The following SSH2 variants were observed in gnomAD, a reference collection of about 807,000 sequenced individuals.
SSH2 encodes the protein slingshot protein phosphatase 2.
Under a neutral mutation model 135.2 loss-of-function variants are expected in SSH2, and 37 were observed. The ratio of observed to expected loss-of-function variants is 0.27; its 90% CI spans 0.21 to 0.36. SSH2 has a LOEUF of 0.36. Ranked by LOEUF, SSH2 falls within the 10% of genes least tolerant of loss-of-function variation. The pLI, the probability that SSH2 is intolerant of heterozygous loss-of-function variation, is 1.00. For missense variants in SSH2, 1,408 were observed against 1,765.3 expected, an observed-to-expected ratio of 0.80 and a Z score of 3.63; for synonymous variants, 628 against 646.2, an observed-to-expected ratio of 0.97 and a Z score of 0.43.
chr17:29,920,830 T>C (rs1264279667), intron 1 of SSH2, among the ~76,000 whole-genome samples: 4 of 152,146 alleles, frequency 2.6e-5, no homozygotes, highest in Non-Finnish European at 5.9e-5. Flanking sequence ...ATTGATGGCA[T>C]TAAAATTTTG....
At position 29,793,955 on chromosome 17, in the gene SSH2, G is replaced by GAA; in HGVS notation, c.145-20_145-19dup. On this transcript the variant is annotated intron_variant, in intron 2 of 15. Transcript: ENST00000540801. ...TCTGCCTCCTGTATAGACAGAAAATGAAAAAAAAAATTAAAACCTGAGGTT... is the reference window on the plus strand; with the variant it reads ...TCTGCCTCCTGTATAGACAGAAAATGAAAAAAAAAAAATTAAAACCTGAGGTT... The GAA allele has an allele frequency of 7.9e-6, 12 of 1,521,482 alleles. No individual in the cohort carries two copies. The highest frequency in any genetic ancestry group is 1.2e-5 in the South Asian group (1 of 82,548). 94.2% of individuals were successfully genotyped at this position (1,521,482 alleles called of 1,614,324 possible).
chr17:29,779,810 CAAAAAAA>C lies in SSH2; in HGVS notation c.188+14077_188+14083del, dbSNP rs56789691. The stretch of plus-strand genomic sequence containing the variant: ...TGGGCGACAGAGTGAGACTCTGTCT[CAAAAAAA>C]AAAAAAAAAAAAAAAAAAAAAAAGA... On this transcript the variant is annotated intron_variant, in intron 3 of 15. Transcript: ENST00000540801. Among the ~76,000 whole-genome samples, 15 of 19,604 alleles carry C rather than the reference CAAAAAAA, an allele frequency of 7.7e-4. No homozygotes were observed. In the South Asian group the frequency reaches 0.015, roughly 20 times the overall value. 12.9% of individuals were successfully genotyped at this position (19,604 alleles called of 152,430 possible).
intron 1 of SSH2, among the ~76,000 whole-genome samples, chr17:29,920,031 C>T (rs531580887): frequency 7.4e-4 from 113 of 152,160 alleles, no homozygotes; most frequent in African/African-American, 2.6e-3. Context: ...CTCAGCCTCC[C>T]GAGTAGCTGG....
chr17:29,682,199 A>C (rs1028811420), intron 6 of SSH2, among the ~76,000 whole-genome samples: 1 of 152,206 alleles, frequency 6.6e-6, no homozygotes, highest in African/African-American at 2.4e-5. Flanking sequence ...ATTCTGGGTC[A>C]GGAGAATCTG....
chr17:29,661,076 A>AG (rs1303274198), intron 11 of SSH2, among the ~76,000 whole-genome samples: 1 of 148,732 alleles, frequency 6.7e-6, no homozygotes, highest in Non-Finnish European at 1.5e-5. Flanking sequence ...AAAAAAAAAA[A>AG]AAAAAAGAAA....
At chr17:29,688,120 C>T (rs1317280397) in intron 5 of SSH2, among the ~76,000 whole-genome samples, 1 of 151,630 alleles carries the variant, frequency 6.6e-6, no homozygotes, top group Non-Finnish European at 1.5e-5. Flanking sequence ...AAGCGGTTCT[C>T]CTGCCTCAGC....
chr17:29,670,923 G>A (rs1481484116), intron 9 of SSH2, among the ~76,000 whole-genome samples: 1 of 152,178 alleles, frequency 6.6e-6, no homozygotes, highest in African/African-American at 2.4e-5. Flanking sequence ...CCTTGGAAGT[G>A]CAGAAAGATC....
intron 3 of SSH2, among the ~76,000 whole-genome samples, chr17:29,792,008 C>T (rs2042076441): frequency 6.6e-6 from 1 of 151,146 alleles, no homozygotes; most frequent in Admixed American, 6.6e-5. Flanking sequence ...CTGCAACCTC[C>T]ACCTCCTGGG....
At chr17:29,716,291 G>T in intron 3 of SSH2, 1 of 423,258 alleles carries the variant, frequency 2.4e-6, no homozygotes, top group Middle Eastern at 7.1e-4. Context: ...GTTGAACCCA[G>T]GTACCTTTCT....
chr17:29,872,902 A>AT (rs1196177565), intron 1 of SSH2, among the ~76,000 whole-genome samples: 2 of 151,936 alleles, frequency 1.3e-5, no homozygotes, highest in Non-Finnish European at 2.9e-5. Context: ...AGGCTGAGGC[A>AT]TAAGAATCAC....
intron 9 of SSH2, among the ~76,000 whole-genome samples, chr17:29,670,722 C>T (rs1370567022): frequency 6.6e-6 from 1 of 152,152 alleles, no homozygotes; most frequent in Admixed American, 6.6e-5. Context: ...TGTAGTAAGC[C>T]AAGATCATGC....
chr17:29,640,073 G>GT lies in SSH2; in HGVS notation c.1428-3272dup, dbSNP rs954899744. On this transcript the variant is annotated intron_variant, in intron 14 of 15. Coordinates refer to ENST00000540801, the MANE Select transcript of SSH2 (RefSeq NM_001282129.2). ...TGATCCCAAGAATCCTCCAAAGTAT[G>GT]TTTTTTTTTTGTTTTTTTTTTTTGA... Among the ~76,000 whole-genome samples the GT allele has an allele frequency of 2.4e-3, 344 of 145,212 alleles. 1 individual carries two copies. Among genetic ancestry groups the GT allele is most frequent in the African/African-American group, 7.9e-3 (310 of 39,356 alleles).
chr17:29,809,711 G>A (rs893478426), intron 2 of SSH2, among the ~76,000 whole-genome samples: 10 of 151,772 alleles, frequency 6.6e-5, no homozygotes, highest in Non-Finnish European at 8.8e-5. Flanking sequence ...ACACACCACC[G>A]TGCCCAGCTC....
intron 3 of SSH2, among the ~76,000 whole-genome samples, chr17:29,756,197 CA>C: frequency 6.6e-6 from 1 of 150,792 alleles, no homozygotes; most frequent in East Asian, 2.0e-4. Flanking sequence ...CGCTTGAACC[CA>C]GGGGGCGGAG....
intron 1 of SSH2, among the ~76,000 whole-genome samples, chr17:29,909,237 A>G (rs939856350): frequency 1.3e-5 from 2 of 152,240 alleles, no homozygotes; most frequent in African/African-American, 2.4e-5. Context: ...AGGAGAATAA[A>G]TTTCTATGTA....
At chr17:29,683,914 C>T (rs1279643719) in intron 6 of SSH2, among the ~76,000 whole-genome samples, 1 of 152,088 alleles carries the variant, frequency 6.6e-6, no homozygotes, top group African/African-American at 2.4e-5. Context: ...CATCACGGCA[C>T]TTCAGCCTGG....
chr17:29,756,281 G>C (rs1285625050), intron 3 of SSH2, among the ~76,000 whole-genome samples: 1 of 147,016 alleles, frequency 6.8e-6, no homozygotes, highest in Non-Finnish European at 1.5e-5. Flanking sequence ...AAAAAAAAAA[G>C]AGAGGGAGAT....
At chr17:29,722,755 C>T (rs981949033) in intron 3 of SSH2, among the ~76,000 whole-genome samples, 2 of 152,170 alleles carry the variant, frequency 1.3e-5, no homozygotes, top group African/African-American at 4.8e-5. Context: ...CAGGAAAACA[C>T]ACCGTGGGAA....
At chr17:29,892,547 A>G (rs1467671883) in intron 1 of SSH2, among the ~76,000 whole-genome samples, 1 of 152,188 alleles carries the variant, frequency 6.6e-6, no homozygotes. Context: ...TATACAAAGT[A>G]GACCCAAGTT....
Sources: allele counts gnomAD v4.1 joint callset (sites outside exome capture counted in the v4.1 genomes callset), GRCh38; gene constraint gnomAD v4.1.1; transcripts MANE v1.5; gene names NCBI Gene and HGNC (gene_info 2026-07-23, HGNC 2026-07-21).